The following IMMP2L variants were observed in gnomAD, a reference collection of about 807,000 sequenced individuals.
The protein encoded by IMMP2L is mitochondrial inner membrane protease subunit 2.
IMMP2L carries 18 observed loss-of-function variants against 19.3 expected under a neutral mutation model. The ratio of observed to expected loss-of-function variants is 0.93; its 90% CI spans 0.64 to 1.38. The LOEUF is 1.38. Ranked by LOEUF, IMMP2L falls within the 40% of genes most tolerant of loss-of-function variation. IMMP2L has a pLI of 0.00. For missense variants in IMMP2L, 233 were observed against 218.2 expected, an observed-to-expected ratio of 1.07 and a Z score of -0.43; for synonymous variants, 76 against 73.0, an observed-to-expected ratio of 1.04 and a Z score of -0.21.
At chr7:111,327,907 CTACA>C (rs1288684012) in intron 3 of IMMP2L, among the ~76,000 whole-genome samples, 1 of 151,618 alleles carries the variant, frequency 6.6e-6, no homozygotes, top group Admixed American at 6.6e-5. Flanking sequence ...AGGGTTTTAA[CTACA>C]TACCTGAATC....
chr7:111,435,727 G>GA (rs963776096), intron 3 of IMMP2L, among the ~76,000 whole-genome samples: 7 of 151,386 alleles, frequency 4.6e-5, no homozygotes, highest in South Asian at 2.1e-4. Flanking sequence ...CAAAATACAG[G>GA]AAAAAAAACT....
intron 3 of IMMP2L, among the ~76,000 whole-genome samples, chr7:111,484,323 G>T (rs909852249): frequency 6.6e-6 from 1 of 152,084 alleles, no homozygotes; most frequent in African/African-American, 2.4e-5. Flanking sequence ...TTTGGAAACT[G>T]CAAATTTTCC....
At chr7:111,351,479 G>A (rs1305917084) in intron 3 of IMMP2L, among the ~76,000 whole-genome samples, 3 of 152,058 alleles carry the variant, frequency 2.0e-5, no homozygotes, top group Non-Finnish European at 2.9e-5. Context: ...GTGAGCCACC[G>A]CACCCGGCCC....
intron 5 of IMMP2L, among the ~76,000 whole-genome samples, chr7:110,850,648 T>C (rs552040708): frequency 4.5e-4 from 69 of 151,656 alleles, no homozygotes; most frequent in African/African-American, 1.5e-3. Flanking sequence ...GGCTCACCTG[T>C]CCTGTAACAC....
At chr7:111,337,965 C>T (rs1826613755) in intron 3 of IMMP2L, among the ~76,000 whole-genome samples, 1 of 152,160 alleles carries the variant, frequency 6.6e-6, no homozygotes, top group African/African-American at 2.4e-5. Flanking sequence ...TGCCTCTGCA[C>T]ATAATCCAGT....
intron 5 of IMMP2L, among the ~76,000 whole-genome samples, chr7:110,850,078 A>C (rs1806045219): frequency 6.6e-6 from 1 of 152,068 alleles, no homozygotes; most frequent in Non-Finnish European, 1.5e-5. Context: ...TAGAAATTCA[A>C]AGAGAATCAG....
intron 5 of IMMP2L, among the ~76,000 whole-genome samples, chr7:110,883,902 T>C (rs1809946809): frequency 6.6e-6 from 1 of 151,984 alleles, no homozygotes; most frequent in Non-Finnish European, 1.5e-5. Flanking sequence ...ACAAGCTAAC[T>C]GGAGGCCATA....
At chr7:110,899,951 T>C (rs1811696839) in intron 4 of IMMP2L, among the ~76,000 whole-genome samples, 1 of 152,302 alleles carries the variant, frequency 6.6e-6, no homozygotes. Context: ...TTCCAAGAAA[T>C]ATGCTCAATT....
At chr7:110,814,688 T>C (rs1314462130) in intron 5 of IMMP2L, among the ~76,000 whole-genome samples, 4 of 147,282 alleles carry the variant, frequency 2.7e-5, no homozygotes, top group African/African-American at 1.0e-4. Context: ...CAAAAACAAT[T>C]GGTCAAGTAC....
At chr7:111,210,077 T>A (rs1423806111) in intron 3 of IMMP2L, among the ~76,000 whole-genome samples, 14 of 152,294 alleles carry the variant, frequency 9.2e-5, no homozygotes, top group Non-Finnish European at 5.9e-5. Context: ...GAGTAGCTCC[T>A]TGTATCTCCT....
chr7:111,078,719 A>ATTTT (rs894844396), intron 3 of IMMP2L, among the ~76,000 whole-genome samples: 4 of 151,262 alleles, frequency 2.6e-5, no homozygotes, highest in Admixed American at 2.6e-4. Context: ...GGTATTTTTT[A>ATTTT]TTTTTATTTA....
At chr7:111,018,341 A>C (rs1825913041) in intron 3 of IMMP2L, among the ~76,000 whole-genome samples, 1 of 152,218 alleles carries the variant, frequency 6.6e-6, no homozygotes, top group Non-Finnish European at 1.5e-5. Flanking sequence ...TACTGATTGC[A>C]AATTGTGCTT....
At chr7:111,446,242 C>T (rs368151222) in intron 3 of IMMP2L, among the ~76,000 whole-genome samples, 8,079 of 151,610 alleles carry the variant, frequency 0.053, 183 homozygotes, top group South Asian at 0.077. Flanking sequence ...GTAGGCTCCA[C>T]CTCTGGGGGC....
Position 111,364,964 on chromosome 7 carries a change from T to C in IMMP2L, c.239+122274A>G, listed in dbSNP as rs559696369. Among the ~76,000 whole-genome samples, 4 of 148,300 alleles carry C rather than the reference T, an allele frequency of 2.7e-5. 1 individual carries two copies. In the South Asian group the frequency reaches 8.5e-4, roughly 31 times the overall value. On this transcript the variant is annotated intron_variant, in intron 3 of 5. Transcript: ENST00000405709. ...CAACCTGGGCGACAGAGTGAGACTC[T>C]GTCAAAAAAAAAAAAAATCTATAAA... is the stretch of plus-strand genomic sequence containing the variant.
At chr7:111,085,020 A>G (rs1796195918) in intron 3 of IMMP2L, among the ~76,000 whole-genome samples, 1 of 152,194 alleles carries the variant, frequency 6.6e-6, no homozygotes, top group African/African-American at 2.4e-5. Context: ...CAATCCCCTG[A>G]GTGAAAAGAA....
At chr7:110,880,516 T>C (rs1318729177) in intron 5 of IMMP2L, among the ~76,000 whole-genome samples, 9 of 152,108 alleles carry the variant, frequency 5.9e-5, no homozygotes, top group Non-Finnish European at 1.2e-4. Flanking sequence ...TATAAGTATA[T>C]ATCCATGTAA....
intron 3 of IMMP2L, among the ~76,000 whole-genome samples, chr7:111,392,192 A>G (rs1334478803): frequency 1.3e-5 from 2 of 151,962 alleles, no homozygotes; most frequent in African/African-American, 4.8e-5. Flanking sequence ...TCTTTTAAGC[A>G]CCCTTCCAAT....
chr7:110,676,074 GA>G (rs199530916), intron 5 of IMMP2L, among the ~76,000 whole-genome samples: 1,550 of 152,316 alleles, frequency 0.01, 65 homozygotes, highest in Admixed American at 0.074. Flanking sequence ...GTAACATGAT[GA>G]AGGCTGTAAG....
At chr7:111,261,699 T>C (rs1335393308) in intron 3 of IMMP2L, among the ~76,000 whole-genome samples, 2 of 152,152 alleles carry the variant, frequency 1.3e-5, no homozygotes, top group Admixed American at 6.6e-5. Context: ...GAAATCGTTT[T>C]AGGCTAAATC....
Sources: gnomAD v4.1 joint callset for allele counts (sites outside exome capture counted in the v4.1 genomes callset) on GRCh38, gnomAD v4.1.1 for gene constraint, MANE v1.5 for transcripts, NCBI Gene and HGNC (gene_info 2026-07-23, HGNC 2026-07-21) for gene names.